Variants in HIVEP3 observed in about 807,000 individuals in gnomAD.
The protein encoded by HIVEP3 is transcription factor HIVEP3.
A neutral mutation model predicts 152.8 loss-of-function variants in HIVEP3; 49 were observed. That is an observed-to-expected ratio of 0.32 (90% CI 0.26 to 0.41). The LOEUF is 0.41. HIVEP3 is among the 10% of genes least tolerant of loss of function. The probability of loss-of-function intolerance (pLI) is 1.00; values close to 1 mark genes in which losing one functional copy is unlikely to be tolerated. For synonymous variants in HIVEP3, 1,269 were observed against 1,289.0 expected (o/e 0.98, Z 0.33); for missense variants, 2,790 against 3,103.3 (o/e 0.90, Z 2.40).
At chr1:42,021,888 C>CAT (rs150910779) in intron 1 of HIVEP3, among the ~76,000 whole-genome samples, 5,193 of 152,262 alleles carry the variant, frequency 0.034, 123 homozygotes, top group African/African-American at 0.051. Context: ...TTCAAACTGG[C>CAT]ATATGTACTA....
chr1:41,877,223 G>A (rs1332720402), intron 1 of HIVEP3, among the ~76,000 whole-genome samples: 1 of 152,158 alleles, frequency 6.6e-6, no homozygotes, highest in African/African-American at 2.4e-5. Flanking sequence ...TCACACAACA[G>A]AGGAACAGAC....
chr1:41,887,522 C>T (rs1644365780), intron 1 of HIVEP3, among the ~76,000 whole-genome samples: 1 of 152,204 alleles, frequency 6.6e-6, no homozygotes, highest in South Asian at 2.1e-4. Context: ...TTGGGATCCC[C>T]TGAACTTCAC....
chr1:41,530,047 C>T (rs539938342), intron 5 of HIVEP3, among the ~76,000 whole-genome samples: 20 of 151,900 alleles, frequency 1.3e-4, no homozygotes, highest in Admixed American at 5.9e-4. Flanking sequence ...CATACACTCT[C>T]CTGGCACACT....
At chr1:41,750,834 G>T (rs1647149417) in intron 1 of HIVEP3, among the ~76,000 whole-genome samples, 1 of 152,112 alleles carries the variant, frequency 6.6e-6, no homozygotes, top group African/African-American at 2.4e-5. Flanking sequence ...AAGTAGCTGG[G>T]ATTACAGGTG....
chr1:42,015,080 G>A (rs1185118195), intron 1 of HIVEP3, among the ~76,000 whole-genome samples: 6 of 152,158 alleles, frequency 3.9e-5, no homozygotes, highest in East Asian at 3.9e-4. Context: ...GACAGCTTCC[G>A]AGGATCATGC....
At chr1:41,988,162 C>T (rs1645335235) in intron 1 of HIVEP3, among the ~76,000 whole-genome samples, 1 of 152,188 alleles carries the variant, frequency 6.6e-6, no homozygotes, top group Non-Finnish European at 1.5e-5. Context: ...AGCTTCTTGA[C>T]ACTGGATTTG....
In HIVEP3 at chr1:41,664,872, C is replaced by G. The variant is rs1046394502; in HGVS notation, c.-720-35925G>C. On this transcript the variant is annotated intron_variant, in intron 2 of 8. Coordinates refer to ENST00000372583, the MANE Select transcript of HIVEP3 (RefSeq NM_024503.5). This position sits in a 1 kb window ranked among gnomAD's most constrained non-coding sequence, Gnocchi z 4.4. ...CCTGGGATATCCCCATGCCAACCCC[C>G]CAAAACACGGAGTCCTGAGCTGGCC... is the stretch of plus-strand genomic sequence containing the variant. Among the ~76,000 whole-genome samples, 9 of 152,208 alleles carry G rather than the reference C, an allele frequency of 5.9e-5. No individual in the cohort carries two copies. In the South Asian group the frequency reaches 6.2e-4, roughly 11 times the overall value.
intron 2 of HIVEP3, among the ~76,000 whole-genome samples, chr1:41,645,702 C>T (rs958717860): frequency 3.3e-5 from 5 of 152,232 alleles, no homozygotes; most frequent in Non-Finnish European, 7.3e-5. Flanking sequence ...GCCTCCAGCA[C>T]GGTGTTAACA....
chr1:41,641,972 G>A (rs1004075321), intron 2 of HIVEP3, among the ~76,000 whole-genome samples: 3 of 152,244 alleles, frequency 2.0e-5, no homozygotes, highest in Non-Finnish European at 2.9e-5. Context: ...GGGAATGACA[G>A]TGGCGCCTAC....
chr1:41,706,914 T>A (rs943926029), intron 1 of HIVEP3, among the ~76,000 whole-genome samples: 49 of 152,242 alleles, frequency 3.2e-4, no homozygotes, highest in Non-Finnish European at 5.4e-4. Flanking sequence ...TAAAGGCAAT[T>A]CACTCAGTGG....
chr1:41,767,765 T>C (rs899165562), intron 1 of HIVEP3, among the ~76,000 whole-genome samples: 13 of 152,356 alleles, frequency 8.5e-5, no homozygotes, highest in African/African-American at 3.1e-4. Flanking sequence ...CAGCAGCAGC[T>C]GGAGTCACAG....
At chr1:41,642,648 G>A (rs1457287226) in intron 2 of HIVEP3, among the ~76,000 whole-genome samples, 1 of 152,242 alleles carries the variant, frequency 6.6e-6, no homozygotes, top group Non-Finnish European at 1.5e-5. Flanking sequence ...GGACTGGGAT[G>A]TGTGTGATGC....
chr1:41,538,161 G>C (rs1327035495), intron 5 of HIVEP3, among the ~76,000 whole-genome samples: 1 of 152,188 alleles, frequency 6.6e-6, no homozygotes, highest in Non-Finnish European at 1.5e-5. Context: ...ACCTTTGTCT[G>C]AGACTTTTTG....
At position 41,582,706 on chromosome 1, in the gene HIVEP3, T is replaced by G. The variant is rs1644433785; in HGVS notation, c.2092A>C (p.Met698Leu). 6.2e-7 allele frequency: 1 copy of G among 1,614,128 alleles called. No homozygotes were observed. Among genetic ancestry groups the G allele is most frequent in the African/African-American group, 1.3e-5 (1 of 75,044 alleles). ...SQIEHEPWSQMMHYKLGTTLE... is the reference protein window; with the variant it reads ...SQIEHEPWSQLMHYKLGTTLE... ...GTGGTTCCCAGTTTGTAATGCATCA[T>G]TTGGGACCACGGCTCATGCTCAATC... The change falls in exon 4 of 9, where the codon ATG becomes CTG. Residue 698 changes from methionine (M) to leucine (L), a missense_variant. Physicochemically the swap from Met to Leu is conservative, Grantham distance 15 (BLOSUM62 2). Coordinates refer to ENST00000372583, the MANE Select transcript of HIVEP3 (RefSeq NM_024503.5). This position sits in a 1 kb window ranked among gnomAD's most constrained non-coding sequence, Gnocchi z 4.7.
At chr1:41,654,399 C>T (rs1645599472) in intron 2 of HIVEP3, among the ~76,000 whole-genome samples, 1 of 152,184 alleles carries the variant, frequency 6.6e-6, no homozygotes, top group Non-Finnish European at 1.5e-5. Context: ...CTCTTTATGG[C>T]TTTCCTAAGC....
chr1:41,952,422 GTTCATTCATTCA>G (rs142386133), intron 1 of HIVEP3, among the ~76,000 whole-genome samples: 6 of 151,100 alleles, frequency 4.0e-5, no homozygotes, highest in Admixed American at 1.3e-4. Flanking sequence ...ATTTTCTTTT[GTTCATTCATTCA>G]TTCATTCATT....
intron 1 of HIVEP3, among the ~76,000 whole-genome samples, chr1:41,799,372 C>A (rs1423603698): frequency 9.2e-5 from 14 of 152,178 alleles, no homozygotes; most frequent in Non-Finnish European, 1.5e-5. Context: ...TGTCTTATTT[C>A]AAACTTCAGT....
chr1:41,624,062 C>T (rs1431644449), intron 3 of HIVEP3, among the ~76,000 whole-genome samples: 1 of 152,176 alleles, frequency 6.6e-6, no homozygotes, highest in African/African-American at 2.4e-5. Context: ...ACTTCCCAAG[C>T]CTCAGCAGAA....
intron 1 of HIVEP3, among the ~76,000 whole-genome samples, chr1:41,722,808 T>C (rs1646697384): frequency 6.6e-6 from 1 of 152,114 alleles, no homozygotes; most frequent in South Asian, 2.1e-4. Flanking sequence ...GGAAGACTTC[T>C]GGGAAATGGC....
Sources: gnomAD v4.1 joint callset for allele counts (sites outside exome capture counted in the v4.1 genomes callset) on GRCh38, gnomAD v4.1.1 for gene constraint, Gnocchi (gnomAD v3.1) non-coding constraint, MANE v1.5 for transcripts, NCBI Gene and HGNC (gene_info 2026-07-23, HGNC 2026-07-21) for gene names.